PPM1F: variants seen among roughly 807,000 people sequenced by gnomAD.
The protein encoded by PPM1F is protein phosphatase, Mg2+/Mn2+ dependent 1F.
A neutral mutation model predicts 35.5 loss-of-function variants in PPM1F; 17 were observed. That is an observed-to-expected ratio of 0.48 (90% CI 0.33 to 0.72). The LOEUF (loss-of-function observed/expected upper bound fraction) is 0.72. Ranked by LOEUF, PPM1F falls within the 30% of genes least tolerant of loss-of-function variation. The pLI, the probability that PPM1F is intolerant of heterozygous loss-of-function variation, is 0.02. For synonymous variants in PPM1F, 241 were observed against 255.5 expected (o/e 0.94, Z 0.54); for missense variants, 521 against 613.0 (o/e 0.85, Z 1.59).
rs775790430 is a variant in PPM1F at position 21,931,312 on chromosome 22, T to C, written c.748-21A>G. On this transcript the variant is annotated intron_variant, in intron 5 of 7. Transcript: ENST00000263212. ...AGCCGCTGCAGGGAGAGAGGGCCCATGAGAGTTGAGAGGAGGTAGGGAAGG... is the reference window on the plus strand; with the variant it reads ...AGCCGCTGCAGGGAGAGAGGGCCCACGAGAGTTGAGAGGAGGTAGGGAAGG... 3.7e-6 allele frequency: 6 copies of C among 1,606,228 alleles called. No homozygotes were observed. In the Admixed American group the frequency reaches 6.7e-5, roughly 18 times the overall value.
chr22:21,939,835 A>C lies in PPM1F; in HGVS notation c.207-155T>G, dbSNP rs1353688253. On this transcript the variant is annotated intron_variant, in intron 2 of 7. Transcript: ENST00000263212. The surrounding 1 kb of genome is among the most constrained non-coding windows in gnomAD (Gnocchi z 5.1). ...GGGACAGGAAGGTCACAGGACAGCA[A>C]AGGCAGACGCACAACCATCTGGTGG... 1.3e-5 allele frequency among the ~76,000 whole-genome samples: 2 copies of C among 152,200 alleles called. No individual in the cohort carries two copies. Among genetic ancestry groups the C allele is most frequent in the Non-Finnish European group, 2.9e-5 (2 of 68,034 alleles).
chr22:21,943,846 G>A (rs534850175), intron 2 of PPM1F: 3 of 152,480 alleles, frequency 2.0e-5, no homozygotes, highest in African/African-American at 7.2e-5. Flanking sequence ...GTTGTTCCCC[G>A]GGATGGCTTT....
At position 21,922,889 on chromosome 22, in the gene PPM1F, TCCA is replaced by T; in HGVS notation, c.*200_*202del. 1 of 660,028 alleles carries T rather than the reference TCCA, an allele frequency of 1.5e-6. No individual in the cohort carries two copies. The highest frequency in any genetic ancestry group is 2.6e-6 in the Non-Finnish European group (1 of 386,624). The allele number at this position is 660,028 out of a possible 1,614,324, so 40.9% of individuals were successfully genotyped here. On this transcript the variant is annotated 3_prime_UTR_variant, in exon 8 of 8. Coordinates refer to ENST00000263212, the MANE Select transcript of PPM1F (RefSeq NM_014634.4). ...TTTGGTGAGGTCTCCTAAGCTGCCT[TCCA>T]CCATCTGCCCGCCACCCAGTGCAGT...
intron 2 of PPM1F, chr22:21,943,403 AT>A (rs2070745537): frequency 6.6e-6 from 1 of 152,228 alleles, no homozygotes; most frequent in African/African-American, 2.4e-5. Flanking sequence ...AATAAATCCA[AT>A]AAGATGGCTG....
intron 2 of PPM1F, chr22:21,944,709 C>T (rs2070759870): frequency 1.3e-5 from 2 of 152,172 alleles, no homozygotes; most frequent in Admixed American, 6.5e-5. Flanking sequence ...AGAGAGGGTT[C>T]GAGAAAAGAC....
chr22:21,931,748 G>C (rs2070593545), intron 5 of PPM1F, among the ~76,000 whole-genome samples: 1 of 151,692 alleles, frequency 6.6e-6, no homozygotes, highest in Non-Finnish European at 1.5e-5. Flanking sequence ...GAACTCCTGA[G>C]CTCAGGCAAT....
chr22:21,924,297 C>T (rs1341650357), intron 7 of PPM1F, among the ~76,000 whole-genome samples: 27 of 140,572 alleles, frequency 1.9e-4, no homozygotes, highest in South Asian at 2.2e-4. Flanking sequence ...GATGGAGTTT[C>T]GCTCTTGTCG....
chr22:21,938,108 G>A (rs2070680882), intron 3 of PPM1F: 6 of 1,297,270 alleles, frequency 4.6e-6, no homozygotes, highest in African/African-American at 1.5e-5. Context: ...GGGCAGGCGA[G>A]ACTTCCTTCT....
intron 1 of PPM1F, chr22:21,946,776 G>C (rs7291919): frequency 0.03 from 4,528 of 152,384 alleles, 213 homozygotes; most frequent in African/African-American, 0.1. Flanking sequence ...CTCTCTAATA[G>C]GAGGAGGGAA....
chr22:21,924,507 G>A (rs2070487450), intron 7 of PPM1F, among the ~76,000 whole-genome samples: 1 of 151,908 alleles, frequency 6.6e-6, no homozygotes, highest in Non-Finnish European at 1.5e-5. Flanking sequence ...CTGACCTCAG[G>A]TGATCCACCC....
At chr22:21,941,592 GGAAT>G (rs1416573725) in intron 2 of PPM1F, 1 of 152,450 alleles carries the variant, frequency 6.6e-6, no homozygotes, top group East Asian at 1.9e-4. Context: ...ATGGAGCTGC[GGAAT>G]GAATGAGGAT....
At chr22:21,927,689 C>G (rs1025161850) in intron 6 of PPM1F, among the ~76,000 whole-genome samples, 3 of 152,242 alleles carry the variant, frequency 2.0e-5, no homozygotes, top group Non-Finnish European at 4.4e-5. Context: ...CTGTGCTGCT[C>G]CCCTGCAGCC....
chr22:21,925,744 A>C, intron 6 of PPM1F, 82 bp from the exon 7 acceptor site: 2 of 1,148,666 alleles, frequency 1.7e-6, no homozygotes, highest in South Asian at 1.6e-5. Flanking sequence ...GCAGAGGCAC[A>C]GCTGCTTCTA....
rs187022008 is a variant in PPM1F at position 21,925,977 on chromosome 22, C to T, written c.892-315G>A. 1.3e-4 allele frequency: 40 copies of T among 319,974 alleles called. 1 individual carries two copies. In the East Asian group the frequency reaches 2.0e-3, roughly 16 times the overall value. 19.8% of individuals were successfully genotyped at this position (319,974 alleles called of 1,614,324 possible). ...GCACTCACGAGGCTTGCGAGCCCGA[C>T]ACAGACAGCAGATCCTTCTGCTTCC... On this transcript the variant is annotated intron_variant, in intron 6 of 7. Transcript: ENST00000263212.
chr22:21,923,175 C>T lies in PPM1F; in HGVS notation c.1282G>A (p.Gly428Arg), dbSNP rs776240342. 2 of 1,613,722 alleles carry T rather than the reference C, an allele frequency of 1.2e-6. No homozygotes were observed. The change falls in exon 8 of 8, where the codon GGG becomes AGG. Residue 428 changes from glycine to arginine, a missense_variant. Physicochemically the swap from Gly to Arg is moderately radical, Grantham distance 125. Transcript: ENST00000263212. ...ELLEGGNQGE[G>R]DPQAEGRRQD... ...CTCCTCCCTTCTGCCTGGGGGTCCC[C>T]TTCTCCCTGGTTCCCGCCCTCCAGC...
intron 2 of PPM1F, chr22:21,944,735 C>T (rs1353121994): frequency 5.3e-5 from 8 of 152,240 alleles, no homozygotes; most frequent in Non-Finnish European, 1.0e-4. Flanking sequence ...CCTTCACCAT[C>T]TTTCATGGGA....
chr22:21,947,402 C>G (rs969603669), intron 1 of PPM1F: 2 of 152,270 alleles, frequency 1.3e-5, no homozygotes, highest in African/African-American at 2.4e-5. Flanking sequence ...TGGGCTTTGT[C>G]TAACACTCAG....
At position 21,922,991 on chromosome 22, in the gene PPM1F, G is replaced by A. The variant is rs1298764466; in HGVS notation, c.*101C>T. 6 of 1,430,680 alleles carry A rather than the reference G, an allele frequency of 4.2e-6. No homozygotes were observed. Among genetic ancestry groups the A allele is most frequent in the Admixed American group, 2.3e-5 (1 of 44,422 alleles). 88.6% of individuals were successfully genotyped at this position (1,430,680 alleles called of 1,614,324 possible). On this transcript the variant is annotated 3_prime_UTR_variant, in exon 8 of 8. Transcript: ENST00000263212. ...GGTGCTGGGGAAAGCACTGTGGGGC[G>A]GGCACCCTGTCCACTGCCTGCCACC... is the stretch of plus-strand genomic sequence containing the variant.
chr22:21,938,535 T>G (rs1243170330), intron 3 of PPM1F: 1 of 1,067,042 alleles, frequency 9.4e-7, no homozygotes, highest in African/African-American at 1.7e-5. Context: ...TTGTTCCTTT[T>G]CCCCGGATGC....
Sources: gnomAD v4.1 joint callset for allele counts (sites outside exome capture counted in the v4.1 genomes callset) on GRCh38, gnomAD v4.1.1 for gene constraint, Gnocchi (gnomAD v3.1) non-coding constraint, MANE v1.5 for transcripts, NCBI Gene and HGNC (gene_info 2026-07-23, HGNC 2026-07-21) for gene names.